HMOX2: variants seen among roughly 807,000 people sequenced by gnomAD.
The protein encoded by HMOX2 is heme oxygenase 2.
HMOX2 carries 30 observed loss-of-function variants against 33.7 expected under a neutral mutation model. The observed-to-expected ratio is 0.89, with a 90% CI of 0.67 to 1.21. HMOX2 has a LOEUF of 1.21. HMOX2 is among the 50% of genes most tolerant of loss of function. HMOX2 has a pLI of 0.00. For missense variants in HMOX2, 403 were observed against 399.1 expected, an observed-to-expected ratio of 1.01 and a Z score of -0.08; for synonymous variants, 155 against 155.0, an observed-to-expected ratio of 1.00 and a Z score of 0.00.
rs371403313 is a variant in HMOX2 at position 4,494,987 on chromosome 16, G to C, written c.-41-10497G>C. 3.9e-5 allele frequency among the ~76,000 whole-genome samples: 6 copies of C among 152,286 alleles called. No homozygotes were observed. The South Asian group carries it at 1.2e-3, about 32-fold the overall frequency. ...AGGAGGTCAAGACCAGTCTCGGTTT[G>C]ATTGGGTTAAACATTATCCCTGTAA... On this transcript the variant is annotated intron_variant, in intron 1 of 5. Transcript: ENST00000570646.
intron 1 of HMOX2, among the ~76,000 whole-genome samples, chr16:4,502,106 G>C (rs1567397651): frequency 2.6e-5 from 4 of 152,140 alleles, no homozygotes; most frequent in Admixed American, 6.6e-5. Context: ...TGTATTTCTA[G>C]TAGAGATGGG....
upstream of HMOX2, among the ~76,000 whole-genome samples, chr16:4,475,462 C>A (rs1452312792): frequency 1.3e-5 from 2 of 151,790 alleles, no homozygotes; most frequent in East Asian, 3.9e-4. Context: ...CAGGAGCCAC[C>A]ATGCCCGGCT....
chr16:4,509,662 C>G lies in HMOX2; in HGVS notation c.857C>G (p.Thr286Arg), dbSNP rs140794370. The G allele has an allele frequency of 1.6e-5, 26 of 1,613,940 alleles. No individual in the cohort carries two copies. In the African/African-American group the frequency reaches 2.9e-4, roughly 18 times the overall value. The part of the protein sequence containing the change: ...ALEGSSCPFR[T>R]AMAVLRKPSL... ...GAGGGCAGCAGCTGTCCCTTCCGAA[C>G]AGCTATGGCTGTGCTGAGGAAGCCC... is the stretch of plus-strand genomic sequence containing the variant. Residue 286 changes from threonine to arginine, a missense_variant, in exon 6 of 6, where the codon ACA (threonine) becomes AGA (arginine). Transcript: ENST00000570646.
intron 1 of HMOX2, among the ~76,000 whole-genome samples, chr16:4,483,125 G>A (rs11644559): frequency 2.0e-5 from 3 of 150,816 alleles, no homozygotes; most frequent in Non-Finnish European, 2.9e-5. Context: ...TGGAACTTTC[G>A]TGTATTCAGC....
At chr16:4,496,780 T>C (rs971330736) in intron 1 of HMOX2, 12 of 152,220 alleles carry the variant, frequency 7.9e-5, no homozygotes, top group Non-Finnish European at 2.9e-5. Context: ...GTCAGACTTA[T>C]AGTCTGGTGC....
At position 4,509,405 on chromosome 16, in the gene HMOX2, C is replaced by T. The variant is rs749206884; in HGVS notation, c.697-7C>T. ...AAGATGGCTCAGTCGATCCTCTGCT[C>T]CTGCAGATATTCAATGAACTGGACC... is the stretch of plus-strand genomic sequence containing the variant. On this transcript the variant is annotated splice_polypyrimidine_tract_variant and splice_region_variant and intron_variant, in intron 4 of 5. Transcript: ENST00000570646. The T allele has an allele frequency of 3.8e-5, 61 of 1,613,554 alleles. No individual in the cohort carries two copies. The highest frequency in any genetic ancestry group is 4.9e-5 in the Non-Finnish European group (58 of 1,179,948).
chr16:4,508,214 G>A lies in HMOX2; in HGVS notation c.696+10G>A. The A allele has an allele frequency of 6.3e-7, 1 of 1,588,684 alleles. No individual in the cohort carries two copies. The highest frequency in any genetic ancestry group is 8.6e-7 in the Non-Finnish European group (1 of 1,167,156). On this transcript the variant is annotated intron_variant, in intron 4 of 5. Transcript: ENST00000570646. ...TGAGTATAACATGCAGGTACTATTG[G>A]GGGCTGCCAGCTGCTAGGGCTGAAG...
Position 4,476,408 on chromosome 16 carries a change from A to C in HMOX2, c.-121A>C, listed in dbSNP as rs908675913. The C allele has an allele frequency of 2.0e-5, 3 of 152,252 alleles. No individual in the cohort carries two copies. The highest frequency in any genetic ancestry group is 4.4e-5 in the Non-Finnish European group (3 of 68,056). The allele number at this position is 152,252 out of a possible 1,614,324, so 9.4% of individuals were successfully genotyped here. ...GCCTCGCGCCAGTCCGCTGGGCTGCAGGGACTGCGGCGCCTGAGGGAGTCG... is the reference window on the plus strand; with the variant it reads ...GCCTCGCGCCAGTCCGCTGGGCTGCCGGGACTGCGGCGCCTGAGGGAGTCG... On this transcript the variant is annotated 5_prime_UTR_variant, in exon 1 of 6. Coordinates refer to ENST00000570646, the MANE Select transcript of HMOX2 (RefSeq NM_002134.4).
In HMOX2 at chr16:4,505,469, C is replaced by T. The variant is rs944705676; in HGVS notation, c.-41-15C>T. On this transcript the variant is annotated splice_polypyrimidine_tract_variant and intron_variant, in intron 1 of 5. Transcript: ENST00000570646. ...GCCGTGGGTGCCACATCACCAGCTC[C>T]TTGTGTCTCTGCAGGACCAGAGGAG... 7.9e-6 allele frequency: 11 copies of T among 1,387,826 alleles called. No individual in the cohort carries two copies. In the African/African-American group the frequency reaches 1.6e-4, roughly 20 times the overall value. The allele number at this position is 1,387,826 out of a possible 1,614,324, so 86.0% of individuals were successfully genotyped here.
At chr16:4,487,787 C>CAA (rs1225589421) in intron 1 of HMOX2, among the ~76,000 whole-genome samples, 5 of 115,900 alleles carry the variant, frequency 4.3e-5, no homozygotes, top group African/African-American at 1.6e-4. Flanking sequence ...GACTCCGTCT[C>CAA]AAAAAAAAAA....
intron 1 of HMOX2, among the ~76,000 whole-genome samples, chr16:4,485,414 T>C: frequency 6.6e-6 from 1 of 152,186 alleles, no homozygotes; most frequent in African/African-American, 2.4e-5. Flanking sequence ...AAACCAAGCA[T>C]AGTCTTTGTT....
At chr16:4,478,842 T>A (rs758263370) in intron 1 of HMOX2, among the ~76,000 whole-genome samples, 1 of 151,078 alleles carries the variant, frequency 6.6e-6, no homozygotes, top group Non-Finnish European at 1.5e-5. Flanking sequence ...TTTAACTCCT[T>A]GGAAAGGAAA....
chr16:4,491,511 G>A lies in HMOX2; in HGVS notation c.-41-13973G>A, dbSNP rs2058305268. Among the ~76,000 whole-genome samples the A allele has an allele frequency of 2.0e-5, 3 of 151,900 alleles. No individual in the cohort carries two copies. The South Asian group carries it at 6.2e-4, about 32-fold the overall frequency. ...CAAAAAATACCAAAAAATTAGCTGG[G>A]CATGGTGTTGCATGCCTGTAGTCCC... On this transcript the variant is annotated intron_variant, in intron 1 of 5. Transcript: ENST00000570646.
intron 1 of HMOX2, among the ~76,000 whole-genome samples, chr16:4,482,074 G>C (rs574313554): frequency 2.6e-5 from 4 of 152,294 alleles, no homozygotes; most frequent in African/African-American, 9.6e-5. Flanking sequence ...CAGGCCTTCG[G>C]TTGGCTTGGT....
intron 1 of HMOX2, chr16:4,481,619 C>T (rs2058034524): frequency 6.6e-6 from 1 of 152,300 alleles, no homozygotes; most frequent in East Asian, 1.9e-4. Context: ...TAGAATGGTA[C>T]ACCTTATGTT....
chr16:4,509,888 A>C lies in HMOX2; in HGVS notation c.*132A>C. ...TGGGTTTAAGAAAGGCAACCAATAA[A>C]AGCCAGATGCTAGAGCCTCTGCCTG... On this transcript the variant is annotated 3_prime_UTR_variant, in exon 6 of 6. Coordinates refer to ENST00000570646, the MANE Select transcript of HMOX2 (RefSeq NM_002134.4). 2.3e-5 allele frequency: 22 copies of C among 955,896 alleles called. No homozygotes were observed. The highest frequency in any genetic ancestry group is 3.2e-5 in the Non-Finnish European group (21 of 651,132). The allele number at this position is 955,896 out of a possible 1,614,324, so 59.2% of individuals were successfully genotyped here.
chr16:4,508,693 C>G (rs2058755637), intron 4 of HMOX2, among the ~76,000 whole-genome samples: 1 of 152,210 alleles, frequency 6.6e-6, no homozygotes, highest in South Asian at 2.1e-4. Context: ...TCCCAGGGCA[C>G]TCAGGATGAG....
At chr16:4,482,928 G>A (rs1468349669) in intron 1 of HMOX2, among the ~76,000 whole-genome samples, 1 of 152,084 alleles carries the variant, frequency 6.6e-6, no homozygotes, top group African/African-American at 2.4e-5. Context: ...CACTAGGGAG[G>A]CTGAGGCAGG....
rs1401279877 is a variant in HMOX2 at position 4,506,914 on chromosome 16, C to T, written c.106C>T (p.Leu36Phe). The T allele has an allele frequency of 1.9e-6, 3 of 1,613,652 alleles. No homozygotes were observed. Among genetic ancestry groups the T allele is most frequent in the Non-Finnish European group, 2.5e-6 (3 of 1,179,572 alleles). The stretch of plus-strand genomic sequence containing the variant: ...CCACAGAATGGCTGACCTCTCGGAG[C>T]TCCTGAAGGAAGGGACCAAGGAAGC... ...NQMRMADLSE[L>F]LKEGTKEAHD... The change falls in exon 3 of 6, where the codon CTC becomes TTC. Residue 36 changes from leucine (L) to phenylalanine (F), a missense_variant. By Grantham distance (22) the Leu-to-Phe change is conservative (BLOSUM62 0). Transcript: ENST00000570646.
Sources: allele counts gnomAD v4.1 joint callset (sites outside exome capture counted in the v4.1 genomes callset), GRCh38; gene constraint gnomAD v4.1.1; transcripts MANE v1.5; gene names NCBI Gene and HGNC (gene_info 2026-07-23, HGNC 2026-07-21).